The following AGBL4 variants were observed in gnomAD, a reference collection of about 807,000 sequenced individuals.
AGBL4 encodes the protein AGBL carboxypeptidase 4, also known as cytosolic carboxypeptidase 6.
AGBL4 carries 58 observed loss-of-function variants against 66.4 expected under a neutral mutation model. The ratio of observed to expected loss-of-function variants is 0.87; its 90% CI spans 0.71 to 1.09. The LOEUF (loss-of-function observed/expected upper bound fraction) is 1.09, where lower values mean the gene tolerates loss of function less well. Ranked by LOEUF, AGBL4 falls within the 50% of genes least tolerant of loss-of-function variation. The pLI is 0.00. For synonymous variants in AGBL4, 234 were observed against 222.9 expected (o/e 1.05, Z -0.44); for missense variants, 579 against 631.0 (o/e 0.92, Z 0.88).
intron 4 of AGBL4, among the ~76,000 whole-genome samples, chr1:49,237,207 G>A (rs1650826454): frequency 6.6e-6 from 1 of 151,538 alleles, no homozygotes; most frequent in Admixed American, 6.6e-5. Context: ...AGCTTGCAGT[G>A]AGCCAAGATT....
In AGBL4 at chr1:49,744,034, C is replaced by T. The variant is rs865975518; in HGVS notation, c.158-46597G>A. Among the ~76,000 whole-genome samples, 50 of 151,180 alleles carry T rather than the reference C, an allele frequency of 3.3e-4. 1 individual carries two copies. Among genetic ancestry groups the T allele is most frequent in the African/African-American group, 1.2e-3 (48 of 41,204 alleles). On this transcript the variant is annotated intron_variant, in intron 2 of 13. Coordinates refer to ENST00000371839, the MANE Select transcript of AGBL4 (RefSeq NM_032785.4). Reference sequence around the variant, plus strand: ...CAAATCTGCACGTTGTGCACATGTACCCTAAAACTTAAAGTATAATAAAAA... The same window carrying T: ...CAAATCTGCACGTTGTGCACATGTATCCTAAAACTTAAAGTATAATAAAAA...
At chr1:49,870,816 T>TA (rs930467086) in intron 1 of AGBL4, among the ~76,000 whole-genome samples, 28 of 151,932 alleles carry the variant, frequency 1.8e-4, no homozygotes, top group South Asian at 8.3e-4. Context: ...ATGGTTATTA[T>TA]AAAAAAAATT....
chr1:49,849,228 G>A (rs1646238369), intron 2 of AGBL4, among the ~76,000 whole-genome samples: 1 of 152,034 alleles, frequency 6.6e-6, no homozygotes, highest in South Asian at 2.1e-4. Context: ...GCCTGGCAGA[G>A]TGCATATGTT....
intron 9 of AGBL4, among the ~76,000 whole-genome samples, chr1:48,610,312 G>A (rs1645217818): frequency 6.6e-6 from 1 of 152,108 alleles, no homozygotes; most frequent in Non-Finnish European, 1.5e-5. Context: ...GGGGCTTGCT[G>A]CATGCCAGTA....
rs1655076881 is a variant in AGBL4 at position 49,944,918 on chromosome 1, G to T, written c.34+78845C>A. On this transcript the variant is annotated intron_variant, in intron 1 of 13. Coordinates refer to ENST00000371839, the MANE Select transcript of AGBL4 (RefSeq NM_032785.4). ...GGATGCACTTACAGAAATATGAAATGCTCTAGAAAGTCTCAGCAATAAAAT... is the reference window on the plus strand; with the variant it reads ...GGATGCACTTACAGAAATATGAAATTCTCTAGAAAGTCTCAGCAATAAAAT... 2.0e-5 allele frequency among the ~76,000 whole-genome samples: 3 copies of T among 151,830 alleles called. No individual in the cohort carries two copies. The East Asian group carries it at 5.8e-4, about 29-fold the overall frequency.
intron 4 of AGBL4, among the ~76,000 whole-genome samples, chr1:49,156,012 T>A (rs1646422472): frequency 6.6e-6 from 1 of 152,144 alleles, no homozygotes; most frequent in African/African-American, 2.4e-5. Flanking sequence ...AGAATCTAGA[T>A]CATCAGACGT....
chr1:50,019,415 A>G (rs1196294805), intron 1 of AGBL4, among the ~76,000 whole-genome samples: 1 of 151,488 alleles, frequency 6.6e-6, no homozygotes. Context: ...ACTTATCTCT[A>G]ATTTTCACCT....
At chr1:49,483,662 G>T (rs927981864) in intron 3 of AGBL4, among the ~76,000 whole-genome samples, 12 of 151,796 alleles carry the variant, frequency 7.9e-5, no homozygotes, top group African/African-American at 2.7e-4. Context: ...ACACATTGAG[G>T]AACCTCTCCA....
rs146320329 is a variant in AGBL4 at position 49,867,046 on chromosome 1, T to C, written c.35-15528A>G. 2.4e-3 allele frequency among the ~76,000 whole-genome samples: 358 copies of C among 152,170 alleles called. 11 individuals are homozygous for C. In the East Asian group the frequency reaches 0.055, roughly 23 times the overall value. Reference sequence around the variant, plus strand: ...ATTTTGAAAATATCAGCATCTTTCCTGTCTGTGTTGCTGCTGAAAGGCCCC... The same window carrying C: ...ATTTTGAAAATATCAGCATCTTTCCCGTCTGTGTTGCTGCTGAAAGGCCCC... On this transcript the variant is annotated intron_variant, in intron 1 of 13. Coordinates refer to ENST00000371839, the MANE Select transcript of AGBL4 (RefSeq NM_032785.4).
At chr1:50,011,025 G>A (rs1661492338) in intron 1 of AGBL4, among the ~76,000 whole-genome samples, 1 of 152,080 alleles carries the variant, frequency 6.6e-6, no homozygotes, top group African/African-American at 2.4e-5. Context: ...ACAAATTTAA[G>A]AGACATCTCA....
intron 1 of AGBL4, among the ~76,000 whole-genome samples, chr1:49,932,568 C>A (rs1369526793): frequency 6.6e-6 from 1 of 152,046 alleles, no homozygotes; most frequent in Non-Finnish European, 1.5e-5. Context: ...AGTCAAGACA[C>A]TAACCGGATG....
chr1:49,438,254 T>G (rs887122079), intron 3 of AGBL4, among the ~76,000 whole-genome samples: 8 of 152,236 alleles, frequency 5.3e-5, no homozygotes, highest in Non-Finnish European at 8.8e-5. Context: ...TCTACATAGT[T>G]GCCTCTCAAA....
intron 5 of AGBL4, among the ~76,000 whole-genome samples, chr1:48,910,717 T>A (rs1294993701): frequency 1.3e-5 from 2 of 152,116 alleles, no homozygotes; most frequent in Non-Finnish European, 2.9e-5. Context: ...TGTTGAGGCA[T>A]CCCCGAGGGA....
chr1:49,292,087 C>T (rs1273108065), intron 3 of AGBL4, among the ~76,000 whole-genome samples: 1 of 152,220 alleles, frequency 6.6e-6, no homozygotes, highest in African/African-American at 2.4e-5. Context: ...GCTGTCAGCA[C>T]CCACTCCGAT....
intron 6 of AGBL4, among the ~76,000 whole-genome samples, chr1:48,775,359 C>T (rs1645027629): frequency 6.6e-6 from 1 of 152,132 alleles, no homozygotes; most frequent in Admixed American, 6.5e-5. Flanking sequence ...CCATGAGACC[C>T]TGGGCAAGTC....
intron 4 of AGBL4, among the ~76,000 whole-genome samples, chr1:49,093,054 C>T (rs1645029795): frequency 1.3e-5 from 2 of 152,096 alleles, no homozygotes; most frequent in South Asian, 2.1e-4. Flanking sequence ...GGAATTTGCA[C>T]CTCCCCAAAT....
At chr1:49,552,748 C>T (rs1653070702) in intron 3 of AGBL4, among the ~76,000 whole-genome samples, 1 of 152,190 alleles carries the variant, frequency 6.6e-6, no homozygotes, top group Non-Finnish European at 1.5e-5. Flanking sequence ...CGATTTGGAG[C>T]TATGATTCAC....
intron 4 of AGBL4, among the ~76,000 whole-genome samples, chr1:49,244,654 C>T (rs1016495357): frequency 1.3e-5 from 2 of 151,744 alleles, no homozygotes; most frequent in Admixed American, 6.6e-5. Flanking sequence ...AATATTTGAA[C>T]AGAGATCAAA....
intron 3 of AGBL4, among the ~76,000 whole-genome samples, chr1:49,394,053 C>T (rs1387767373): frequency 6.6e-6 from 1 of 151,940 alleles, no homozygotes; most frequent in African/African-American, 2.4e-5. Flanking sequence ...GATCTGATTA[C>T]TCTACTGCTG....
Sources: gnomAD v4.1 joint callset for allele counts (sites outside exome capture counted in the v4.1 genomes callset) on GRCh38, gnomAD v4.1.1 for gene constraint, MANE v1.5 for transcripts, NCBI Gene and HGNC (gene_info 2026-07-23, HGNC 2026-07-21) for gene names.